The following LIG1 variants were observed in gnomAD, a reference collection of about 807,000 sequenced individuals.
LIG1 encodes the protein ligase I, DNA, ATP-dependent.
Under a neutral mutation model 115.7 loss-of-function variants are expected in LIG1, and 70 were observed. That is an observed-to-expected ratio of 0.60 (90% CI 0.50 to 0.74). LIG1 has a LOEUF of 0.74. Ranked by LOEUF, LIG1 falls within the 30% of genes least tolerant of loss-of-function variation. The pLI, the probability that LIG1 is intolerant of heterozygous loss-of-function variation, is 0.00. For synonymous variants in LIG1, 487 were observed against 495.3 expected (o/e 0.98, Z 0.22); for missense variants, 1,115 against 1,225.6 (o/e 0.91, Z 1.35).
chr19:48,134,086 C>A lies in LIG1; in HGVS notation c.1524-20G>T. ...ACCTCGCTGGGGTGGCGGGTGAGAA[C>A]AAGATAGGGGAAGCCTTTCTAGAAC... On this transcript the variant is annotated intron_variant, in intron 16 of 27. Coordinates refer to ENST00000263274, the MANE Select transcript of LIG1 (RefSeq NM_000234.3). 1 of 1,548,454 alleles carries A rather than the reference C, an allele frequency of 6.5e-7. No homozygotes were observed. The highest frequency in any genetic ancestry group is 1.7e-4 in the Middle Eastern group (1 of 5,982).
chr19:48,144,013 A>G (rs894537591), intron 9 of LIG1, 50 bp from the exon 10 acceptor site: 2 of 1,397,766 alleles, frequency 1.4e-6, no homozygotes. Flanking sequence ...GGGTCAAAGC[A>G]AAGTCATTCC....
At position 48,115,650 on chromosome 19, in the gene LIG1, T is replaced by G; in HGVS notation, c.2759A>C (p.Ter920SerextTer12). ...DSGSDPEDTY* is the reference protein window; with the variant it reads ...DSGSDPEDTYS ...CCCAGGCCCTAGGAGGGCGAGGGCT[T>G]AGTAGGTATCTTCAGGGTCAGAGCC... Residue 920 changes from the stop codon to serine (S), a stop_lost, in exon 28 of 28, where the codon TAA (stop) becomes TCA (serine). Transcript: ENST00000263274. 6.2e-7 allele frequency: 1 copy of G among 1,610,992 alleles called. No individual in the cohort carries two copies. Among genetic ancestry groups the G allele is most frequent in the Non-Finnish European group, 8.5e-7 (1 of 1,177,168 alleles).
In LIG1 at chr19:48,137,669, G is replaced by T; in HGVS notation, c.1107C>A (p.Val369=). The change falls in exon 13 of 28, where the codon GTC becomes GTA. Residue 369 remains valine (V), a synonymous_variant. Transcript: ENST00000263274. The surrounding 1 kb of genome is among the most constrained non-coding windows in gnomAD (Gnocchi z 4.3). ...AQATGRQLES[V]RAEAAEKGDV... The stretch of plus-strand genomic sequence containing the variant: ...CGCCTTTCTCGGCTGCCTCAGCCCG[G>T]ACGGACTCCAGCTGCCGACCTTCAG... 6.2e-7 allele frequency: 1 copy of T among 1,605,150 alleles called. No individual in the cohort carries two copies.
chr19:48,120,832 A>C (rs1331576441), intron 24 of LIG1: 5 of 678,304 alleles, frequency 7.4e-6, no homozygotes, highest in Non-Finnish European at 9.6e-6. Flanking sequence ...AAATGTGGGG[A>C]GAGGAGGAAC....
At chr19:48,132,917 G>A in intron 18 of LIG1, 65 bp downstream of exon 18, 1 of 1,211,312 alleles carries the variant, frequency 8.3e-7, no homozygotes, top group Non-Finnish European at 1.2e-6. Context: ...AGGCCTCAGT[G>A]ACCCCACACC....
intron 26 of LIG1, among the ~76,000 whole-genome samples, chr19:48,117,109 C>T (rs1230179531): frequency 6.6e-6 from 1 of 151,742 alleles, no homozygotes. Flanking sequence ...GCTGGGATTA[C>T]AGGCATGAGC....
chr19:48,158,518 T>C (rs2035986464), intron 4 of LIG1, among the ~76,000 whole-genome samples: 2 of 152,248 alleles, frequency 1.3e-5, no homozygotes, highest in South Asian at 4.1e-4. Context: ...GTGCCAGTTA[T>C]TAAGTGATTT....
intron 5 of LIG1, chr19:48,154,244 T>C: frequency 4.7e-6 from 2 of 427,688 alleles, no homozygotes; most frequent in South Asian, 2.0e-5. Context: ...TGTAATGTAC[T>C]TGGCACAGTA....
At chr19:48,127,381 A>C in intron 20 of LIG1, 33 bp from the exon 21 acceptor site, 1 of 1,589,688 alleles carries the variant, frequency 6.3e-7, no homozygotes. Context: ...TCGTGAGTGC[A>C]GGAAGGTGAG....
intron 26 of LIG1, among the ~76,000 whole-genome samples, chr19:48,117,374 G>A (rs1288037353): frequency 6.6e-6 from 1 of 151,504 alleles, no homozygotes; most frequent in Admixed American, 6.6e-5. Flanking sequence ...TGGCCAGGCT[G>A]GCCTTGAACT....
chr19:48,168,989 AT>A (rs1371864153), intron 1 of LIG1, among the ~76,000 whole-genome samples: 1 of 152,256 alleles, frequency 6.6e-6, no homozygotes, highest in Non-Finnish European at 1.5e-5. Flanking sequence ...TGAAGAGATA[AT>A]GACAGGAAAA....
chr19:48,117,596 A>G, intron 26 of LIG1, 42 bp downstream of exon 26: 1 of 1,605,838 alleles, frequency 6.2e-7, no homozygotes, highest in Non-Finnish European at 8.5e-7. Flanking sequence ...GTGCCCGCCC[A>G]GAATCCCACA....
chr19:48,164,399 T>C (rs1482533671), intron 2 of LIG1, among the ~76,000 whole-genome samples: 1 of 152,208 alleles, frequency 6.6e-6, no homozygotes, highest in South Asian at 2.1e-4. Flanking sequence ...TTCCTCCTGG[T>C]AACAGCCCCT....
At chr19:48,160,644 CA>C (rs1299275576) in intron 4 of LIG1, among the ~76,000 whole-genome samples, 3 of 152,158 alleles carry the variant, frequency 2.0e-5, no homozygotes, top group African/African-American at 7.2e-5. Flanking sequence ...ATGACTTAAA[CA>C]GGGGAAGAGA....
At chr19:48,142,776 C>T (rs3730942) in intron 11 of LIG1, among the ~76,000 whole-genome samples, 45,837 of 151,816 alleles carry the variant, frequency 0.3, 7,972 homozygotes, top group East Asian at 0.55. Flanking sequence ...CCTGAGTAGC[C>T]GGGATTACAG....
At chr19:48,120,924 A>G in intron 24 of LIG1, 1 of 1,341,258 alleles carries the variant, frequency 7.5e-7, no homozygotes, top group Non-Finnish European at 9.5e-7. Context: ...GTGAGCCACC[A>G]CTATTTGTAG....
intron 9 of LIG1, among the ~76,000 whole-genome samples, chr19:48,147,602 A>C (rs947719441): frequency 1.3e-5 from 2 of 151,798 alleles, no homozygotes; most frequent in Non-Finnish European, 2.9e-5. Context: ...GCCCAGGAGC[A>C]CCACTGCACT....
Position 48,143,934 on chromosome 19 carries a change from G to A in LIG1, c.806C>T (p.Ala269Val). 6.2e-7 allele frequency: 1 copy of A among 1,614,042 alleles called. No individual in the cohort carries two copies. Among genetic ancestry groups the A allele is most frequent in the Non-Finnish European group, 8.5e-7 (1 of 1,179,934 alleles). The stretch of plus-strand genomic sequence containing the variant: ...TTCCACGGGATGATAGTTGTTCTTG[G>A]CAGGATTGTAACCAGATGGATCCAG... The part of the protein sequence containing the change: ...GPLDPSGYNP[A>V]KNNYHPVEDA... Residue 269 changes from alanine (A) to valine (V), a missense_variant, in exon 10 of 28, where the codon GCC (alanine) becomes GTC (valine). Coordinates refer to ENST00000263274, the MANE Select transcript of LIG1 (RefSeq NM_000234.3).
intron 21 of LIG1, among the ~76,000 whole-genome samples, chr19:48,126,115 T>C (rs156643): frequency 0.46 from 69,619 of 151,758 alleles, 16,256 homozygotes; most frequent in East Asian, 0.75. Flanking sequence ...CCCTAACAGA[T>C]AAAGCACCTG....
Sources: gnomAD v4.1 joint callset for allele counts (sites outside exome capture counted in the v4.1 genomes callset) on GRCh38, gnomAD v4.1.1 for gene constraint, Gnocchi (gnomAD v3.1) non-coding constraint, MANE v1.5 for transcripts, NCBI Gene and HGNC (gene_info 2026-07-23, HGNC 2026-07-21) for gene names.